Variants in GALNTL6 observed in about 807,000 individuals in gnomAD.
The protein encoded by GALNTL6 is polypeptide N-acetylgalactosaminyltransferase-like 6.
In GALNTL6, 46 loss-of-function variants were observed where a neutral mutation model predicts 73.7. The ratio of observed to expected loss-of-function variants is 0.62; its 90% CI spans 0.49 to 0.80. GALNTL6 has a LOEUF of 0.80. Among genes scored for constraint, GALNTL6 ranks in the 30% least tolerant of loss-of-function variants. GALNTL6 has a pLI of 0.00. For synonymous variants in GALNTL6, 259 were observed against 263.7 expected, an observed-to-expected ratio of 0.98 and a Z score of 0.17; for missense variants, 604 against 755.0, an observed-to-expected ratio of 0.80 and a Z score of 2.34.
chr4:172,813,466 G>A (rs1231002609), intron 6 of GALNTL6, 74 bp from the exon 7 acceptor site: 2 of 1,282,700 alleles, frequency 1.6e-6, no homozygotes, highest in African/African-American at 2.9e-5. Flanking sequence ...AGGACTGTAG[G>A]CTTCTCTTTG....
At chr4:172,762,509 G>A (rs967238730) in intron 5 of GALNTL6, among the ~76,000 whole-genome samples, 12 of 151,134 alleles carry the variant, frequency 7.9e-5, no homozygotes, top group African/African-American at 2.7e-4. Flanking sequence ...AAAATCCCCA[G>A]GCTCTGTCTT....
At chr4:172,894,723 T>A (rs1746227320) in intron 8 of GALNTL6, among the ~76,000 whole-genome samples, 1 of 152,158 alleles carries the variant, frequency 6.6e-6, no homozygotes. Context: ...AATTATGATG[T>A]CTCTTTGATA....
At chr4:172,473,886 T>G (rs1733139279) in intron 5 of GALNTL6, among the ~76,000 whole-genome samples, 1 of 152,210 alleles carries the variant, frequency 6.6e-6, no homozygotes, top group Non-Finnish European at 1.5e-5. Context: ...ACTGTTTTCT[T>G]CGAGTCTATG....
chr4:172,845,756 C>CT (rs948453713), intron 7 of GALNTL6, among the ~76,000 whole-genome samples: 9 of 151,984 alleles, frequency 5.9e-5, no homozygotes, highest in African/African-American at 1.4e-4. Context: ...AGAAAAAAGA[C>CT]TTTTTTTTAC....
chr4:171,945,421 G>T (rs1222342653), intron 2 of GALNTL6, among the ~76,000 whole-genome samples: 1 of 152,196 alleles, frequency 6.6e-6, no homozygotes, highest in African/African-American at 2.4e-5. Context: ...AAACCAAAAG[G>T]ATAAGCAGCA....
chr4:172,832,764 A>T (rs188997671), intron 7 of GALNTL6, among the ~76,000 whole-genome samples: 1 of 152,146 alleles, frequency 6.6e-6, no homozygotes, highest in African/African-American at 2.4e-5. Flanking sequence ...CTTGAATATC[A>T]CCTGGACCCA....
At chr4:172,180,419 T>G (rs943623294) in intron 2 of GALNTL6, among the ~76,000 whole-genome samples, 7 of 150,538 alleles carry the variant, frequency 4.6e-5, no homozygotes, top group Non-Finnish European at 1.0e-4. Flanking sequence ...TGGTGATAGT[T>G]TTTTTTTTGC....
At chr4:172,992,880 A>G (rs28890012) in intron 10 of GALNTL6, among the ~76,000 whole-genome samples, 23,046 of 152,020 alleles carry the variant, frequency 0.15, 1,856 homozygotes, top group Non-Finnish European at 0.18. Flanking sequence ...TTTTGGGGAG[A>G]AGATGTATTG....
intron 2 of GALNTL6, among the ~76,000 whole-genome samples, chr4:171,971,712 T>C (rs2111065304): frequency 6.6e-6 from 1 of 152,292 alleles, no homozygotes; most frequent in African/African-American, 2.4e-5. Context: ...TTTTTTAAAG[T>C]CCTATATTTG....
intron 5 of GALNTL6, among the ~76,000 whole-genome samples, chr4:172,480,170 G>A (rs917544073): frequency 1.3e-5 from 2 of 151,892 alleles, no homozygotes; most frequent in Non-Finnish European, 2.9e-5. Context: ...AGTCAGATGT[G>A]GTGGCACATA....
chr4:172,418,942 C>T (rs980449366), intron 5 of GALNTL6, among the ~76,000 whole-genome samples: 28 of 50,618 alleles, frequency 5.5e-4, no homozygotes, highest in East Asian at 3.7e-3. Context: ...TAGTTTTCTA[C>T]GAGATTTATC....
intron 2 of GALNTL6, among the ~76,000 whole-genome samples, chr4:172,093,015 A>G (rs1732249373): frequency 1.3e-5 from 2 of 151,562 alleles, no homozygotes; most frequent in South Asian, 2.1e-4. Flanking sequence ...CTGGGACTAC[A>G]GGCGCCCACC....
At chr4:172,550,265 A>T (rs988828734) in intron 5 of GALNTL6, among the ~76,000 whole-genome samples, 2 of 152,186 alleles carry the variant, frequency 1.3e-5, no homozygotes, top group African/African-American at 4.8e-5. Flanking sequence ...AATATTCATT[A>T]TACTCCCATT....
At chr4:172,460,618 G>A (rs1327365014) in intron 5 of GALNTL6, among the ~76,000 whole-genome samples, 5 of 152,310 alleles carry the variant, frequency 3.3e-5, no homozygotes, top group African/African-American at 1.2e-4. Context: ...ATGACAAAAA[G>A]CTTATCATCA....
rs201882623 is a variant in GALNTL6, at chr4:172,327,409, A to G, written c.386+15657A>G. 8.1e-4 allele frequency among the ~76,000 whole-genome samples: 124 copies of G among 152,152 alleles called. 2 individuals carry two copies. In the South Asian group the frequency reaches 0.016, roughly 19 times the overall value. Reference sequence around the variant, plus strand: ...TGGAGAGTTCTGTAGAGGTCTATCAAATCCATTTAATCCAGTGTTGAGTTC... The same window carrying G: ...TGGAGAGTTCTGTAGAGGTCTATCAGATCCATTTAATCCAGTGTTGAGTTC... On this transcript the variant is annotated intron_variant, in intron 4 of 12. Transcript: ENST00000506823.
At chr4:172,838,634 G>A (rs1368713243) in intron 7 of GALNTL6, among the ~76,000 whole-genome samples, 7 of 152,074 alleles carry the variant, frequency 4.6e-5, no homozygotes, top group Non-Finnish European at 1.0e-4. Flanking sequence ...ATAATTTTCT[G>A]GGAAACGAAA....
chr4:172,622,404 G>T lies in GALNTL6; in HGVS notation c.554-186957G>T, dbSNP rs558233851. Among the ~76,000 whole-genome samples the T allele has an allele frequency of 9.1e-4, 139 of 152,106 alleles. 1 individual carries two copies. In the South Asian group the frequency reaches 0.021, roughly 23 times the overall value. ...AAAAATTATGTAAGATTTCATAGAA[G>T]AAAAACAATGGATCACATTAAAAAG... On this transcript the variant is annotated intron_variant, in intron 5 of 12. Transcript: ENST00000506823.
intron 5 of GALNTL6, among the ~76,000 whole-genome samples, chr4:172,616,909 G>A (rs2111061970): frequency 6.6e-6 from 1 of 152,192 alleles, no homozygotes; most frequent in East Asian, 1.9e-4. Context: ...ACCTCAAGAA[G>A]AGCTATTCCC....
intron 2 of GALNTL6, among the ~76,000 whole-genome samples, chr4:171,936,104 T>G (rs1738337751): frequency 6.6e-6 from 1 of 152,168 alleles, no homozygotes; most frequent in African/African-American, 2.4e-5. Context: ...GTTTCCTACA[T>G]TAGTAAGGAG....
Sources: gnomAD v4.1 joint callset for allele counts (sites outside exome capture counted in the v4.1 genomes callset) on GRCh38, gnomAD v4.1.1 for gene constraint, MANE v1.5 for transcripts, NCBI Gene and HGNC (gene_info 2026-07-23, HGNC 2026-07-21) for gene names.